MPND: variants seen among roughly 807,000 people sequenced by gnomAD.
MPND encodes MPN domain-containing protein.
MPND carries 56 observed loss-of-function variants against 59.2 expected under a neutral mutation model. The observed-to-expected ratio is 0.95, with a 90% CI of 0.76 to 1.18. The LOEUF is 1.18. MPND is among the 50% of genes most tolerant of loss of function. The pLI, the probability that MPND is intolerant of heterozygous loss-of-function variation, is 0.00. For synonymous variants in MPND, 323 were observed against 291.9 expected (o/e 1.11, Z -1.09); for missense variants, 671 against 676.0 (o/e 0.99, Z 0.08).
At chr19:4,353,863 C>G (rs2144830600) in intron 4 of MPND, 182 bp from the exon 5 acceptor site, 1 of 567,920 alleles carries the variant, frequency 1.8e-6, no homozygotes, top group Non-Finnish European at 3.2e-6. Flanking sequence ...GAGTCTCACT[C>G]TGTAACTCAG....
chr19:4,357,494 C>G, intron 9 of MPND, 21 bp from the exon 10 acceptor site: 3 of 1,612,116 alleles, frequency 1.9e-6, no homozygotes, highest in Non-Finnish European at 2.5e-6. Context: ...AGGGCCAACC[C>G]CTCTCCCTCT....
intron 12 of MPND, 149 bp downstream of exon 12, chr19:4,359,404 A>T: frequency 1.6e-6 from 1 of 611,728 alleles, no homozygotes. Flanking sequence ...CCCCGTGGCC[A>T]CCCCAGCAGG....
At chr19:4,359,568 C>T (rs1008963747) in intron 12 of MPND, among the ~76,000 whole-genome samples, 4 of 152,176 alleles carry the variant, frequency 2.6e-5, no homozygotes, top group African/African-American at 4.8e-5. Context: ...GGTTTCCCTC[C>T]ACCTGGCATA....
intron 8 of MPND, among the ~76,000 whole-genome samples, chr19:4,355,867 T>TTTTTC (rs1972427963): frequency 6.6e-6 from 1 of 150,736 alleles, no homozygotes; most frequent in African/African-American, 2.4e-5. Flanking sequence ...CTTTTTTTTT[T>TTTTTC]TTTTCTTGAG....
In MPND at chr19:4,359,947, A is replaced by G; in HGVS notation, c.1451A>G (p.Gln484Arg). ...ISLASRTPKD[Q>R]SLCHVLEQVC... ...TTGGCCAGCAGGACGCCCAAGGACCAGAGCCTGTGTCACGTCCTGGAACAG... is the reference window on the plus strand; with the variant it reads ...TTGGCCAGCAGGACGCCCAAGGACCGGAGCCTGTGTCACGTCCTGGAACAG... Residue 484 changes from glutamine (Q) to arginine (R), a missense_variant, in exon 13 of 13, where the codon CAG becomes CGG. By Grantham distance (43) the Gln-to-Arg change is conservative. Transcript: ENST00000599840. 6.3e-7 allele frequency: 1 copy of G among 1,575,412 alleles called. No individual in the cohort carries two copies. The highest frequency in any genetic ancestry group is 8.6e-7 in the Non-Finnish European group (1 of 1,160,154).
At chr19:4,350,090 G>A (rs1212318128) in intron 3 of MPND, among the ~76,000 whole-genome samples, 2 of 151,800 alleles carry the variant, frequency 1.3e-5, no homozygotes, top group African/African-American at 2.4e-5. Flanking sequence ...TGGTTGGGGG[G>A]GCTTCACTGA....
chr19:4,356,317 C>A (rs536751636), intron 8 of MPND, among the ~76,000 whole-genome samples: 1 of 152,204 alleles, frequency 6.6e-6, no homozygotes, highest in East Asian at 1.9e-4. Context: ...CTTAGGGAGG[C>A]CGAGGCAGGA....
chr19:4,346,836 C>T (rs192602695), intron 3 of MPND, among the ~76,000 whole-genome samples: 4 of 152,104 alleles, frequency 2.6e-5, no homozygotes, highest in Non-Finnish European at 5.9e-5. Context: ...TCCAGACCAG[C>T]CTGGCCAACA....
intron 2 of MPND, among the ~76,000 whole-genome samples, chr19:4,344,647 T>G (rs1972144768): frequency 6.6e-6 from 1 of 151,504 alleles, no homozygotes; most frequent in East Asian, 1.9e-4. Flanking sequence ...TTCCCCACCA[T>G]GGGAAAATTA....
At chr19:4,346,210 G>A (rs1972183171) in intron 3 of MPND, among the ~76,000 whole-genome samples, 1 of 152,156 alleles carries the variant, frequency 6.6e-6, no homozygotes, top group South Asian at 2.1e-4. Flanking sequence ...CAAGTTGAAG[G>A]GAAGAGCTTT....
rs1036518035 is a variant in MPND at position 4,358,130 on chromosome 19, C to T, written c.1284C>T (p.Tyr428=). ...YGIPMDVEMA[Y]VQDSFLTNDI... is the part of the protein sequence containing the mutation. ...TCCCCATGGATGTGGAGATGGCCTACGTCCAGGACAGCTTCCTGACCAATG... is the reference window on the plus strand; with the variant it reads ...TCCCCATGGATGTGGAGATGGCCTATGTCCAGGACAGCTTCCTGACCAATG... The change falls in exon 11 of 13, where the codon TAC becomes TAT. Residue 428 remains tyrosine, a synonymous_variant. Transcript: ENST00000599840. The T allele has an allele frequency of 7.7e-6, 12 of 1,551,374 alleles. No individual in the cohort carries two copies. Among genetic ancestry groups the T allele is most frequent in the East Asian group, 2.4e-5 (1 of 40,938 alleles).
chr19:4,344,350 C>G (rs549056868), intron 2 of MPND, among the ~76,000 whole-genome samples: 1 of 150,264 alleles, frequency 6.7e-6, no homozygotes, highest in African/African-American at 2.5e-5. Context: ...TGCTTTAGGA[C>G]AAGCCCCAGT....
intron 5 of MPND, 78 bp downstream of exon 5, chr19:4,354,207 G>T: frequency 6.5e-7 from 1 of 1,531,924 alleles, no homozygotes; most frequent in Non-Finnish European, 8.9e-7. Flanking sequence ...AAGGGCAGGG[G>T]TGGGGGGTGG....
At chr19:4,349,003 G>T in intron 3 of MPND, 1 of 217,102 alleles carries the variant, frequency 4.6e-6, no homozygotes, top group South Asian at 7.8e-5. Flanking sequence ...GCAGGAAGCA[G>T]GTCATCACTG....
intron 4 of MPND, chr19:4,353,757 CTCA>C (rs1430623206): frequency 3.8e-5 from 13 of 342,148 alleles, no homozygotes; most frequent in Middle Eastern, 8.4e-4. Flanking sequence ...GAGACGAGAT[CTCA>C]TCATCTTGCC....
chr19:4,359,312 C>A, intron 12 of MPND, 57 bp downstream of exon 12: 1 of 1,349,038 alleles, frequency 7.4e-7, no homozygotes, highest in Non-Finnish European at 1.1e-6. Flanking sequence ...GCCCCCTGGG[C>A]AGCCTAAAAG....
Position 4,357,249 on chromosome 19 carries a change from C to A in MPND, c.997-4C>A, listed in dbSNP as rs1215095173. 1 of 1,590,278 alleles carries A rather than the reference C, an allele frequency of 6.3e-7. No individual in the cohort carries two copies. The highest frequency in any genetic ancestry group is 2.2e-5 in the East Asian group (1 of 44,594). On this transcript the variant is annotated splice_polypyrimidine_tract_variant and splice_region_variant and intron_variant, in intron 8 of 12. Transcript: ENST00000599840. ...TGCCCGCTGAGCTGCGCCTCTGTCC[C>A]CAGATCTACCAGAGCCTGTTCCTGC...
rs778588326 is a variant in MPND, at chr19:4,357,629, G to A, written c.1236+44G>A. 3 of 1,564,394 alleles carry A rather than the reference G, an allele frequency of 1.9e-6. No homozygotes were observed. In the South Asian group the frequency reaches 3.5e-5, roughly 18 times the overall value. The stretch of plus-strand genomic sequence containing the variant: ...AGAGCCTGGGGGGCCCGGGAGCACT[G>A]GGGCATTTGGGTCACGACTAGGCAG... On this transcript the variant is annotated intron_variant, in intron 10 of 12. Coordinates refer to ENST00000599840, the MANE Select transcript of MPND (RefSeq NM_001300862.2).
chr19:4,352,109 G>T (rs996872682), intron 3 of MPND, among the ~76,000 whole-genome samples: 3 of 151,872 alleles, frequency 2.0e-5, no homozygotes, highest in African/African-American at 4.8e-5. Context: ...GAAGGCAGAG[G>T]TTGCAGTGAG....
Sources: gnomAD v4.1 joint callset for allele counts (sites outside exome capture counted in the v4.1 genomes callset) on GRCh38, gnomAD v4.1.1 for gene constraint, MANE v1.5 for transcripts, NCBI Gene and HGNC (gene_info 2026-07-23, HGNC 2026-07-21) for gene names.